DLGAP2: variants seen among roughly 807,000 people sequenced by gnomAD.
DLGAP2 encodes the protein DLG associated protein 2, also known as disks large-associated protein 2.
In DLGAP2, 26 loss-of-function variants were observed where a neutral mutation model predicts 100.3. The observed-to-expected ratio is 0.26, with a 90% CI of 0.19 to 0.36. The LOEUF is 0.36. DLGAP2 is among the 10% of genes least tolerant of loss of function. The pLI is 1.00. For missense variants in DLGAP2, 1,858 were observed against 1,453.2 expected, an observed-to-expected ratio of 1.28 and a Z score of -4.53; for synonymous variants, 886 against 630.1, an observed-to-expected ratio of 1.41 and a Z score of -6.08.
chr8:1,180,256 C>A (rs1046618180), intron 2 of DLGAP2, among the ~76,000 whole-genome samples: 1 of 152,172 alleles, frequency 6.6e-6, no homozygotes, highest in Non-Finnish European at 1.5e-5. Context: ...ACACATATGT[C>A]CATGTAACCC....
intron 6 of DLGAP2, among the ~76,000 whole-genome samples, chr8:1,589,678 G>A (rs546955162): frequency 6.6e-6 from 1 of 152,318 alleles, no homozygotes; most frequent in South Asian, 2.1e-4. Flanking sequence ...AAACTCCTGG[G>A]CTCAAGCAAT....
At chr8:972,283 A>C (rs1026676966) in intron 2 of DLGAP2, among the ~76,000 whole-genome samples, 4 of 152,222 alleles carry the variant, frequency 2.6e-5, no homozygotes, top group Non-Finnish European at 4.4e-5. Context: ...GAAAGGAAGA[A>C]ATGAAAGATA....
intron 2 of DLGAP2, among the ~76,000 whole-genome samples, chr8:1,233,622 G>A (rs558647321): frequency 2.3e-3 from 350 of 150,686 alleles, no homozygotes; most frequent in African/African-American, 8.4e-3. Flanking sequence ...CCCAGCTCTG[G>A]GTCCAATGGG....
chr8:1,560,382 G>A (rs938193520), intron 5 of DLGAP2, among the ~76,000 whole-genome samples: 6 of 152,048 alleles, frequency 3.9e-5, no homozygotes, highest in Admixed American at 6.5e-5. Flanking sequence ...TCTTTTCATC[G>A]CTAAATACAC....
chr8:1,255,284 TGGGTG>T (rs1799170129), intron 2 of DLGAP2, among the ~76,000 whole-genome samples: 1 of 78,940 alleles, frequency 1.3e-5, no homozygotes, highest in African/African-American at 8.7e-5. Context: ...CTCTCCTGCC[TGGGTG>T]CTGTGTGTGT....
intron 8 of DLGAP2, among the ~76,000 whole-genome samples, chr8:1,633,767 G>C (rs1797707137): frequency 6.6e-6 from 1 of 152,210 alleles, no homozygotes; most frequent in Non-Finnish European, 1.5e-5. Context: ...AAAAAACATA[G>C]TGTTGGGGAC....
chr8:781,764 TA>T (rs1225605143), intron 1 of DLGAP2, among the ~76,000 whole-genome samples: 1 of 152,260 alleles, frequency 6.6e-6, no homozygotes, highest in Non-Finnish European at 1.5e-5. Flanking sequence ...TCATTGTTGC[TA>T]TGGGAACTAC....
intron 3 of DLGAP2, among the ~76,000 whole-genome samples, chr8:1,307,989 G>A (rs1800529156): frequency 6.6e-6 from 1 of 152,098 alleles, no homozygotes; most frequent in Admixed American, 6.5e-5. Context: ...CTACACACAC[G>A]AAATGGTTAA....
intron 3 of DLGAP2, among the ~76,000 whole-genome samples, chr8:1,382,933 G>A (rs765089495): frequency 1.3e-5 from 2 of 152,190 alleles, no homozygotes; most frequent in African/African-American, 4.8e-5. Context: ...GCGTGTGTGT[G>A]TGTGTAGAGA....
At chr8:1,495,556 C>G (rs1406637599) in intron 3 of DLGAP2, among the ~76,000 whole-genome samples, 1 of 152,194 alleles carries the variant, frequency 6.6e-6, no homozygotes, top group East Asian at 1.9e-4. Flanking sequence ...GGTCGGTGTG[C>G]TGAGACCACA....
At chr8:1,476,619 C>CT (rs571613962) in intron 3 of DLGAP2, among the ~76,000 whole-genome samples, 249 of 152,286 alleles carry the variant, frequency 1.6e-3, no homozygotes, top group African/African-American at 5.7e-3. Context: ...AAGCCAGTCT[C>CT]TCCCCCTCTC....
intron 6 of DLGAP2, among the ~76,000 whole-genome samples, chr8:1,588,719 T>C (rs73529653): frequency 0.068 from 7,909 of 116,948 alleles, 250 homozygotes; most frequent in Middle Eastern, 0.12. Flanking sequence ...CTGGCCAACA[T>C]GGTGAAAGCT....
At chr8:1,246,101 T>C (rs771265463) in intron 2 of DLGAP2, among the ~76,000 whole-genome samples, 5 of 152,246 alleles carry the variant, frequency 3.3e-5, no homozygotes, top group South Asian at 2.1e-4. Flanking sequence ...GGTTTCTAAA[T>C]ATCTTAAATT....
At chr8:773,491 TC>T (rs1821422398) in intron 1 of DLGAP2, among the ~76,000 whole-genome samples, 2 of 113,190 alleles carry the variant, frequency 1.8e-5, no homozygotes, top group Middle Eastern at 3.8e-3. Flanking sequence ...GTGCTATCCC[TC>T]CCCCCTCCCC....
rs567836125 is a variant in DLGAP2 at position 779,503 on chromosome 8, G to A, written c.18+41678G>A. On this transcript the variant is annotated intron_variant, in intron 1 of 14. Transcript: ENST00000637795. Reference sequence around the variant, plus strand: ...TTTTCAGACAGGGTCTTGCTCTGTCGCCCAGGCTGGAGTGCAGTGGTGCCA... The same window carrying A: ...TTTTCAGACAGGGTCTTGCTCTGTCACCCAGGCTGGAGTGCAGTGGTGCCA... 5.6e-5 allele frequency among the ~76,000 whole-genome samples: 8 copies of A among 143,484 alleles called. No homozygotes were observed. The South Asian group carries it at 1.5e-3, about 28-fold the overall frequency. The allele number at this position is 143,484 out of a possible 152,430, so 94.1% of individuals were successfully genotyped here.
At chr8:1,568,413 G>C (rs550777230) in intron 6 of DLGAP2, among the ~76,000 whole-genome samples, 1 of 138,420 alleles carries the variant, frequency 7.2e-6, no homozygotes, top group African/African-American at 2.8e-5. Flanking sequence ...CGATGCCATT[G>C]TCCACTCAGC....
intron 1 of DLGAP2, among the ~76,000 whole-genome samples, chr8:791,385 A>G (rs1359105394): frequency 1.3e-5 from 2 of 152,174 alleles, no homozygotes; most frequent in African/African-American, 4.8e-5. Flanking sequence ...GGAGAAAACA[A>G]TTTAAACAGG....
chr8:1,298,203 G>A lies in DLGAP2; in HGVS notation c.106+39320G>A, dbSNP rs185333171. ...TGTGGCGTGCATGAACGGACACCAC[G>A]CGAGATAGGGAGGATTCAGGATGTG... On this transcript the variant is annotated intron_variant, in intron 3 of 14. Coordinates refer to ENST00000637795, the MANE Select transcript of DLGAP2 (RefSeq NM_001346810.2). 2.8e-3 allele frequency among the ~76,000 whole-genome samples: 422 copies of A among 152,242 alleles called. 1 individual carries two copies. Among genetic ancestry groups the A allele is most frequent in the Middle Eastern group, 0.01 (3 of 294 alleles).
At chr8:1,420,252 C>G (rs1216479135) in intron 3 of DLGAP2, among the ~76,000 whole-genome samples, 2 of 152,156 alleles carry the variant, frequency 1.3e-5, no homozygotes, top group African/African-American at 4.8e-5. Flanking sequence ...GAAGGGCTGG[C>G]TGGGAATGAC....
Sources: gnomAD v4.1 joint callset for allele counts (sites outside exome capture counted in the v4.1 genomes callset) on GRCh38, gnomAD v4.1.1 for gene constraint, MANE v1.5 for transcripts, NCBI Gene and HGNC (gene_info 2026-07-23, HGNC 2026-07-21) for gene names.